Variants in RELCH observed in about 807,000 individuals in gnomAD.
RELCH encodes RAB11-binding protein RELCH.
Under a neutral mutation model 150.3 loss-of-function variants are expected in RELCH, and 41 were observed. That is an observed-to-expected ratio of 0.27 (90% CI 0.21 to 0.35). The LOEUF (loss-of-function observed/expected upper bound fraction) is 0.35, where lower values mean the gene tolerates loss of function less well. Among genes scored for constraint, RELCH ranks in the 10% least tolerant of loss-of-function variants. The pLI is 1.00. For missense variants in RELCH, 1,092 were observed against 1,467.8 expected (o/e 0.74, Z 4.18); for synonymous variants, 478 against 531.8 (o/e 0.90, Z 1.39).
Position 62,188,044 on chromosome 18 carries a change from A to G in RELCH, c.526+13A>G. On this transcript the variant is annotated intron_variant, in intron 1 of 28. Coordinates refer to ENST00000644646, the MANE Select transcript of RELCH (RefSeq NM_001346231.2). ...GGGGGACAGCTCAGTAAGTGGACGC[A>G]GCCTGTCACACTCCGGCAGGGTATT... The G allele has an allele frequency of 6.5e-7, 1 of 1,539,768 alleles. No homozygotes were observed. The highest frequency in any genetic ancestry group is 8.7e-7 in the Non-Finnish European group (1 of 1,143,278).
chr18:62,243,132 C>G (rs750581498), intron 10 of RELCH, among the ~76,000 whole-genome samples: 14 of 152,120 alleles, frequency 9.2e-5, no homozygotes, highest in Non-Finnish European at 1.9e-4. Flanking sequence ...ATAGTATACC[C>G]TGATGATGCA....
rs1330075987 is a variant in RELCH, at chr18:62,279,833, T to A, written c.3027T>A (p.Ile1009=). 1.3e-6 allele frequency: 2 copies of A among 1,535,332 alleles called. No homozygotes were observed. Among genetic ancestry groups the A allele is most frequent in the South Asian group, 1.2e-5 (1 of 84,046 alleles). ...LVAQRVVPAL[I]TLSSDPEISV... ...CTCAGAGGGTTGTTCCTGCTCTCAT[T>A]ACTCTCTCCAGTGACCCTGAAATGT... The change falls in exon 23 of 29, where the codon ATT becomes ATA. Residue 1009 remains isoleucine (I), a synonymous_variant. Transcript: ENST00000644646.
chr18:62,304,405 C>T (rs1357413978), intron 28 of RELCH, among the ~76,000 whole-genome samples: 1 of 152,114 alleles, frequency 6.6e-6, no homozygotes, highest in Admixed American at 6.6e-5. Flanking sequence ...CAGTGCACAC[C>T]CTTATAGACT....
chr18:62,268,965 T>C lies in RELCH; in HGVS notation c.2760+17T>C, dbSNP rs764460513. 2 of 1,357,354 alleles carry C rather than the reference T, an allele frequency of 1.5e-6. No individual in the cohort carries two copies. Among genetic ancestry groups the C allele is most frequent in the Non-Finnish European group, 2.0e-6 (2 of 988,604 alleles). The allele number at this position is 1,357,354 out of a possible 1,614,324, so 84.1% of individuals were successfully genotyped here. ...TATATTCAGGTAAGGGAAAAATTCT[T>C]ACTCTCTAGTAAAAGGCTTTCCATT... On this transcript the variant is annotated intron_variant, in intron 20 of 28. Transcript: ENST00000644646.
chr18:62,210,471 A>G (rs1248169581), intron 1 of RELCH, among the ~76,000 whole-genome samples: 2 of 152,132 alleles, frequency 1.3e-5, no homozygotes, highest in Non-Finnish European at 2.9e-5. Context: ...TCTCATCTCC[A>G]TTCTGTGATT....
intron 10 of RELCH, chr18:62,234,801 G>A (rs1382646552): frequency 5.3e-5 from 8 of 151,712 alleles, no homozygotes; most frequent in Non-Finnish European, 1.2e-4. Flanking sequence ...TTTTTGAGTT[G>A]TAAGAGTTTT....
chr18:62,281,910 G>A (rs1403817618), intron 24 of RELCH, among the ~76,000 whole-genome samples: 1 of 152,208 alleles, frequency 6.6e-6, no homozygotes, highest in African/African-American at 2.4e-5. Flanking sequence ...TGAGTAAGAT[G>A]TAAGTCATTA....
intron 17 of RELCH, among the ~76,000 whole-genome samples, chr18:62,264,349 T>C (rs1373475980): frequency 6.6e-6 from 1 of 152,098 alleles, no homozygotes; most frequent in Non-Finnish European, 1.5e-5. Flanking sequence ...GAATGATCTA[T>C]CTGCCATCTT....
chr18:62,222,537 T>A (rs958192936), intron 5 of RELCH, among the ~76,000 whole-genome samples: 1 of 151,856 alleles, frequency 6.6e-6, no homozygotes, highest in African/African-American at 2.4e-5. Flanking sequence ...AGAAAACAGA[T>A]AATAAAATGG....
chr18:62,290,842 A>G (rs1282566867), intron 26 of RELCH, among the ~76,000 whole-genome samples: 2 of 152,228 alleles, frequency 1.3e-5, no homozygotes, highest in African/African-American at 4.8e-5. Context: ...GGTTAAAGCA[A>G]GAAATCAGGA....
At chr18:62,260,313 G>A (rs140384816) in intron 15 of RELCH, among the ~76,000 whole-genome samples, 67 of 148,562 alleles carry the variant, frequency 4.5e-4, no homozygotes, top group African/African-American at 1.5e-3. Flanking sequence ...TCAGGTAAAT[G>A]CAAATCTAAA....
chr18:62,224,232 C>G (rs1458275650), intron 5 of RELCH, among the ~76,000 whole-genome samples: 3 of 152,040 alleles, frequency 2.0e-5, no homozygotes, highest in Non-Finnish European at 4.4e-5. Context: ...GGTTTTCTGT[C>G]CTTGTGATAG....
chr18:62,299,719 GT>G (rs1310677497), intron 28 of RELCH, among the ~76,000 whole-genome samples: 1 of 151,806 alleles, frequency 6.6e-6, no homozygotes, highest in Non-Finnish European at 1.5e-5. Flanking sequence ...TTTTTTACAG[GT>G]TTTTCTAACA....
chr18:62,245,198 A>G (rs1019887109), intron 11 of RELCH, among the ~76,000 whole-genome samples: 3 of 152,258 alleles, frequency 2.0e-5, no homozygotes, highest in African/African-American at 7.2e-5. Context: ...CATAATAAAT[A>G]AAACCTAAAA....
intron 28 of RELCH, among the ~76,000 whole-genome samples, chr18:62,304,305 A>G (rs759903524): frequency 2.6e-5 from 4 of 152,212 alleles, no homozygotes; most frequent in Non-Finnish European, 5.9e-5. Context: ...GCAGCAGGAA[A>G]GAGAACCCAC....
intron 2 of RELCH, among the ~76,000 whole-genome samples, chr18:62,219,246 T>G (rs1443591633): frequency 6.6e-6 from 1 of 151,718 alleles, no homozygotes; most frequent in South Asian, 2.1e-4. Context: ...TGTTTTACTC[T>G]TGGTCACCTA....
intron 10 of RELCH, among the ~76,000 whole-genome samples, chr18:62,238,294 T>G (rs1333288521): frequency 1.3e-5 from 2 of 152,006 alleles, no homozygotes; most frequent in Non-Finnish European, 2.9e-5. Flanking sequence ...CTGTTCATTT[T>G]GGGAGAGAAA....
At chr18:62,220,166 C>G (rs750275326) in intron 2 of RELCH, among the ~76,000 whole-genome samples, 18 of 151,996 alleles carry the variant, frequency 1.2e-4, no homozygotes, top group Non-Finnish European at 2.2e-4. Context: ...TCACTAGTAC[C>G]TCTTAACATG....
chr18:62,228,751 TGTCACAAAAAA>T (rs1452616328), intron 8 of RELCH, among the ~76,000 whole-genome samples, 153 bp downstream of exon 8: 1 of 151,850 alleles, frequency 6.6e-6, no homozygotes, highest in Non-Finnish European at 1.5e-5. Context: ...GCAAAGTAGT[TGTCACAAAAAA>T]GTCACAAAAT....
Sources: allele counts gnomAD v4.1 joint callset (sites outside exome capture counted in the v4.1 genomes callset), GRCh38; gene constraint gnomAD v4.1.1; transcripts MANE v1.5; gene names NCBI Gene and HGNC (gene_info 2026-07-23, HGNC 2026-07-21).